Variants in OPCML observed in about 807,000 individuals in gnomAD.
OPCML encodes the protein opioid binding protein/cell adhesion molecule like.
OPCML carries 13 observed loss-of-function variants against 37.8 expected under a neutral mutation model. That is an observed-to-expected ratio of 0.34 (90% CI 0.22 to 0.55). The LOEUF is 0.55. Among genes scored for constraint, OPCML ranks in the 20% least tolerant of loss-of-function variants. The pLI, the probability that OPCML is intolerant of heterozygous loss-of-function variation, is 0.91. For synonymous variants in OPCML, 176 were observed against 168.8 expected (o/e 1.04, Z -0.33); for missense variants, 341 against 435.6 (o/e 0.78, Z 1.93).
At chr11:133,486,314 T>G (rs2120394304) in intron 1 of OPCML, among the ~76,000 whole-genome samples, 1 of 152,328 alleles carries the variant, frequency 6.6e-6, no homozygotes, top group African/African-American at 2.4e-5. Flanking sequence ...GTTTCCAAAC[T>G]CAACATGTCT....
At chr11:133,433,245 C>T (rs1381534913) in intron 1 of OPCML, among the ~76,000 whole-genome samples, 7 of 116,794 alleles carry the variant, frequency 6.0e-5, no homozygotes, top group African/African-American at 4.3e-4. Context: ...GAGCGAGACT[C>T]CGTCTCAAAA....
chr11:132,995,736 G>C (rs749604469), intron 1 of OPCML, among the ~76,000 whole-genome samples: 1 of 152,020 alleles, frequency 6.6e-6, no homozygotes, highest in East Asian at 1.9e-4. Flanking sequence ...CAACCAACCA[G>C]CTTAGGGACC....
At chr11:132,974,463 T>G (rs1057511415) in intron 1 of OPCML, among the ~76,000 whole-genome samples, 1 of 152,168 alleles carries the variant, frequency 6.6e-6, no homozygotes, top group Non-Finnish European at 1.5e-5. Context: ...TACCATCTCA[T>G]GCCAGTTAGA....
At chr11:132,558,923 C>T (rs1052050748) in intron 3 of OPCML, among the ~76,000 whole-genome samples, 4 of 151,994 alleles carry the variant, frequency 2.6e-5, no homozygotes, top group Non-Finnish European at 5.9e-5. Flanking sequence ...ATTCATGTGC[C>T]CCCATCCCAA....
At chr11:132,477,231 C>A (rs946124190) in intron 4 of OPCML, among the ~76,000 whole-genome samples, 5 of 152,214 alleles carry the variant, frequency 3.3e-5, no homozygotes, top group African/African-American at 1.2e-4. Flanking sequence ...CCATCTCAAG[C>A]TCCCTGGCCC....
rs1161005441 is a variant in OPCML at position 132,913,665 on chromosome 11, G to A, written c.146+29261C>T. ...TGCACAGCTCAACCCGCACTGCCTT[G>A]GGACTAGAATCGAAAGCTCTCAGCT... On this transcript the variant is annotated intron_variant, in intron 2 of 7. Transcript: ENST00000524381. Among the ~76,000 whole-genome samples the A allele has an allele frequency of 8.5e-5, 13 of 152,276 alleles. No individual in the cohort carries two copies. The East Asian group carries it at 2.5e-3, about 29-fold the overall frequency.
intron 2 of OPCML, among the ~76,000 whole-genome samples, chr11:132,699,610 A>C (rs1039970914): frequency 6.6e-6 from 1 of 152,006 alleles, no homozygotes; most frequent in Non-Finnish European, 1.5e-5. Flanking sequence ...CGATCATATA[A>C]CTTCTATCTT....
chr11:132,885,679 C>T (rs1484422856), intron 2 of OPCML, among the ~76,000 whole-genome samples: 2 of 152,160 alleles, frequency 1.3e-5, no homozygotes, highest in Non-Finnish European at 2.9e-5. Flanking sequence ...CTTCAGCTGT[C>T]ACCTGCAATA....
chr11:132,920,340 C>G (rs1944748193), intron 2 of OPCML, among the ~76,000 whole-genome samples: 1 of 152,226 alleles, frequency 6.6e-6, no homozygotes, highest in African/African-American at 2.4e-5. Context: ...CTGCATCCCA[C>G]CTCCTGGTGC....
intron 1 of OPCML, among the ~76,000 whole-genome samples, chr11:133,076,545 T>C (rs1168893041): frequency 1.3e-5 from 2 of 152,212 alleles, no homozygotes; most frequent in Non-Finnish European, 2.9e-5. Flanking sequence ...GTGAACGTCA[T>C]GCAAACGCAA....
At chr11:133,442,113 A>C (rs956264246) in intron 1 of OPCML, among the ~76,000 whole-genome samples, 1 of 152,198 alleles carries the variant, frequency 6.6e-6, no homozygotes, top group Admixed American at 6.5e-5. Flanking sequence ...CAAAGAAAGG[A>C]GACGTTGCCT....
At chr11:133,058,231 G>A (rs572188204) in intron 1 of OPCML, among the ~76,000 whole-genome samples, 73 of 152,244 alleles carry the variant, frequency 4.8e-4, no homozygotes, top group African/African-American at 1.7e-3. Flanking sequence ...TTCTTCCTTG[G>A]TTGCGTAAAG....
chr11:133,484,368 TA>T (rs1947484235), intron 1 of OPCML, among the ~76,000 whole-genome samples: 1 of 152,236 alleles, frequency 6.6e-6, no homozygotes, highest in African/African-American at 2.4e-5. Flanking sequence ...ATTCTATATC[TA>T]GGTTTCTAAA....
At chr11:133,304,931 T>C (rs1025325584) in intron 1 of OPCML, among the ~76,000 whole-genome samples, 2 of 152,156 alleles carry the variant, frequency 1.3e-5, no homozygotes, top group Non-Finnish European at 2.9e-5. Context: ...ATATCTTGAA[T>C]TCTATCTTAA....
In OPCML at chr11:133,178,351, T is replaced by G. The variant is rs965431535; in HGVS notation, c.62-235341A>C. Among the ~76,000 whole-genome samples the G allele has an allele frequency of 1.2e-4, 19 of 152,192 alleles. No individual in the cohort carries two copies. The East Asian group carries it at 3.1e-3, about 25-fold the overall frequency. The stretch of plus-strand genomic sequence containing the variant: ...AGCTTGCCAGCCACAGGCTCCCTAC[T>G]CTGGGGGACATGGTTCGCAGTCTTC... On this transcript the variant is annotated intron_variant, in intron 1 of 7. Transcript: ENST00000524381.
At chr11:133,178,209 A>G (rs1937642758) in intron 1 of OPCML, among the ~76,000 whole-genome samples, 1 of 152,118 alleles carries the variant, frequency 6.6e-6, no homozygotes, top group Non-Finnish European at 1.5e-5. Context: ...CCTGGATGAC[A>G]AAGAGGTGTT....
At chr11:133,371,842 T>C (rs1196874416) in intron 1 of OPCML, among the ~76,000 whole-genome samples, 4 of 152,222 alleles carry the variant, frequency 2.6e-5, no homozygotes, top group Non-Finnish European at 4.4e-5. Context: ...ATTTGGCCAT[T>C]AAAAAGAATG....
chr11:132,561,841 C>G lies in OPCML; in HGVS notation c.380-32655G>C, dbSNP rs147082492. Among the ~76,000 whole-genome samples the G allele has an allele frequency of 3.9e-5, 6 of 152,314 alleles. No individual in the cohort carries two copies. The East Asian group carries it at 9.7e-4, about 25-fold the overall frequency. ...ACATGTGTTGACATTAATGTTTAAACCAAATTATGATCCAGTTTGCAGCAG... is the reference window on the plus strand; with the variant it reads ...ACATGTGTTGACATTAATGTTTAAAGCAAATTATGATCCAGTTTGCAGCAG... On this transcript the variant is annotated intron_variant, in intron 3 of 7. Coordinates refer to ENST00000524381, the MANE Select transcript of OPCML (RefSeq NM_001012393.5).
intron 1 of OPCML, among the ~76,000 whole-genome samples, chr11:133,222,311 G>T (rs1393686287): frequency 6.6e-6 from 1 of 152,202 alleles, no homozygotes; most frequent in Non-Finnish European, 1.5e-5. Context: ...CAGGGTGGTT[G>T]TTCACTCGCC....
Sources: allele counts gnomAD v4.1 joint callset (sites outside exome capture counted in the v4.1 genomes callset), GRCh38; gene constraint gnomAD v4.1.1; transcripts MANE v1.5; gene names NCBI Gene and HGNC (gene_info 2026-07-23, HGNC 2026-07-21).